Variants in ARHGAP10 observed in about 807,000 individuals in gnomAD.
ARHGAP10 encodes rho GTPase-activating protein 10.
In ARHGAP10, 87 loss-of-function variants were observed where a neutral mutation model predicts 108.6. That is an observed-to-expected ratio of 0.80 (90% CI 0.67 to 0.96). The LOEUF (loss-of-function observed/expected upper bound fraction) is 0.96. Ranked by LOEUF, ARHGAP10 falls within the 40% of genes least tolerant of loss-of-function variation. The pLI is 0.00. For synonymous variants in ARHGAP10, 347 were observed against 341.1 expected (o/e 1.02, Z -0.19); for missense variants, 939 against 954.5 (o/e 0.98, Z 0.21).
intron 1 of ARHGAP10, among the ~76,000 whole-genome samples, chr4:147,784,534 ATATATTT>A (rs921021205): frequency 6.1e-4 from 3 of 4,958 alleles, no homozygotes; most frequent in Non-Finnish European, 5.2e-3. Flanking sequence ...AATATAAAAC[ATATATTT>A]TATAGTATAT....
chr4:147,882,738 A>G (rs1735381147), intron 10 of ARHGAP10, among the ~76,000 whole-genome samples: 1 of 152,162 alleles, frequency 6.6e-6, no homozygotes, highest in African/African-American at 2.4e-5. Context: ...TTAGTTGTAA[A>G]AGAATCTTTG....
Position 147,991,397 on chromosome 4 carries a change from C to T in ARHGAP10, c.1716+24558C>T, listed in dbSNP as rs553246809. Reference sequence around the variant, plus strand: ...TCTGCAGCAATCCAAATCCACATCCCGGCTTCCTCATGTTTTTTCCCAGGA... The same window carrying T: ...TCTGCAGCAATCCAAATCCACATCCTGGCTTCCTCATGTTTTTTCCCAGGA... On this transcript the variant is annotated intron_variant, in intron 18 of 22. Coordinates refer to ENST00000336498, the MANE Select transcript of ARHGAP10 (RefSeq NM_024605.4). Among the ~76,000 whole-genome samples the T allele has an allele frequency of 5.8e-4, 88 of 152,206 alleles. 1 individual carries two copies. Among genetic ancestry groups the T allele is most frequent in the African/African-American group, 1.9e-3 (78 of 41,536 alleles).
chr4:147,983,832 G>A (rs1414849584), intron 18 of ARHGAP10, among the ~76,000 whole-genome samples: 1 of 152,164 alleles, frequency 6.6e-6, no homozygotes, highest in Non-Finnish European at 1.5e-5. Flanking sequence ...CATTGCTGGG[G>A]AGTTAGTGGG....
intron 19 of ARHGAP10, among the ~76,000 whole-genome samples, chr4:148,027,918 A>G (rs1203182947): frequency 1.3e-5 from 2 of 152,012 alleles, no homozygotes; most frequent in African/African-American, 2.4e-5. Flanking sequence ...TCTACCATTT[A>G]TTAGTGGTTT....
At chr4:147,748,282 G>A (rs1578996332) in intron 1 of ARHGAP10, among the ~76,000 whole-genome samples, 1 of 152,184 alleles carries the variant, frequency 6.6e-6, no homozygotes. Flanking sequence ...GTTGTACTTT[G>A]GCCAGCCTGA....
chr4:148,031,379 C>A (rs180948288), intron 19 of ARHGAP10, among the ~76,000 whole-genome samples: 1 of 152,222 alleles, frequency 6.6e-6, no homozygotes, highest in Non-Finnish European at 1.5e-5. Flanking sequence ...TAGATAATAT[C>A]CAGAACAATC....
intron 1 of ARHGAP10, among the ~76,000 whole-genome samples, chr4:147,807,743 AAAG>A (rs1731847849): frequency 2.0e-5 from 3 of 152,250 alleles, no homozygotes; most frequent in Non-Finnish European, 4.4e-5. Flanking sequence ...AAATAAGAAA[AAAG>A]CACACAAAAT....
chr4:147,913,986 C>G (rs1195333526), intron 13 of ARHGAP10, among the ~76,000 whole-genome samples: 2 of 152,110 alleles, frequency 1.3e-5, no homozygotes, highest in Non-Finnish European at 2.9e-5. Context: ...AACCCCATCT[C>G]TACTAAAAAT....
At chr4:147,960,196 T>C (rs540371160) in intron 16 of ARHGAP10, among the ~76,000 whole-genome samples, 46 of 152,344 alleles carry the variant, frequency 3.0e-4, no homozygotes, top group African/African-American at 9.6e-4. Context: ...TAGACAGTTG[T>C]GTTTTTGTTT....
rs72957722 is a variant in ARHGAP10 at position 147,865,342 on chromosome 4, A to G, written c.597+386A>G. On this transcript the variant is annotated intron_variant, in intron 6 of 22. Coordinates refer to ENST00000336498, the MANE Select transcript of ARHGAP10 (RefSeq NM_024605.4). Reference sequence around the variant, plus strand: ...GGTACTTTAAACAATCGTTTGTAACATGACTTCAAACACAATTCACAATGC... The same window carrying G: ...GGTACTTTAAACAATCGTTTGTAACGTGACTTCAAACACAATTCACAATGC... 4.6e-3 allele frequency: 724 copies of G among 158,152 alleles called. 3 individuals carry two copies. The highest frequency in any genetic ancestry group is 0.017 in the African/African-American group (698 of 41,672). The allele number at this position is 158,152 out of a possible 1,614,324, so 9.8% of individuals were successfully genotyped here.
intron 1 of ARHGAP10, among the ~76,000 whole-genome samples, chr4:147,750,910 T>C (rs996965000): frequency 2.0e-5 from 3 of 152,000 alleles, no homozygotes; most frequent in East Asian, 1.9e-4. Context: ...CCATAAAATA[T>C]CTTCAATTTA....
chr4:148,016,770 G>T (rs533444158), intron 18 of ARHGAP10, among the ~76,000 whole-genome samples: 27 of 152,166 alleles, frequency 1.8e-4, no homozygotes, highest in African/African-American at 6.5e-4. Flanking sequence ...TCGCAGGTCC[G>T]GGCCTCCAGA....
At chr4:147,906,798 A>G (rs1736515351) in intron 11 of ARHGAP10, 79 bp downstream of exon 11, 2 of 1,551,860 alleles carry the variant, frequency 1.3e-6, no homozygotes, top group Non-Finnish European at 1.8e-6. Context: ...ATTTTTGTGT[A>G]GTATTTGAGA....
chr4:147,816,404 G>C (rs567475862), intron 1 of ARHGAP10, among the ~76,000 whole-genome samples: 1 of 152,240 alleles, frequency 6.6e-6, no homozygotes, highest in African/African-American at 2.4e-5. Flanking sequence ...CACCTTTGTG[G>C]GCTCTCCTTG....
At chr4:147,935,636 ATTGG>A (rs2126955383) in intron 13 of ARHGAP10, among the ~76,000 whole-genome samples, 1 of 152,318 alleles carries the variant, frequency 6.6e-6, no homozygotes, top group East Asian at 1.9e-4. Flanking sequence ...GCCTTGGCAT[ATTGG>A]TTGGTTTATA....
intron 19 of ARHGAP10, among the ~76,000 whole-genome samples, chr4:148,038,101 A>AG (rs772657011): frequency 7.2e-5 from 11 of 152,316 alleles, no homozygotes; most frequent in Non-Finnish European, 1.3e-4. Context: ...GTGTAGCATT[A>AG]GGTACTACTT....
At chr4:147,948,830 G>T (rs1367634352) in intron 15 of ARHGAP10, among the ~76,000 whole-genome samples, 2 of 151,858 alleles carry the variant, frequency 1.3e-5, no homozygotes, top group Admixed American at 6.6e-5. Flanking sequence ...AGCCGGCATG[G>T]TGGTGGGCGC....
At chr4:147,755,100 C>G (rs1300731029) in intron 1 of ARHGAP10, among the ~76,000 whole-genome samples, 1 of 149,830 alleles carries the variant, frequency 6.7e-6, no homozygotes, top group Non-Finnish European at 1.5e-5. Context: ...AAAAAAAATT[C>G]TTTCAAAATG....
At chr4:148,004,987 G>A (rs1578781889) in intron 18 of ARHGAP10, among the ~76,000 whole-genome samples, 1 of 152,152 alleles carries the variant, frequency 6.6e-6, no homozygotes, top group South Asian at 2.1e-4. Context: ...CTGAAAAATG[G>A]AACCATCTCC....
Sources: gnomAD v4.1 joint callset for allele counts (sites outside exome capture counted in the v4.1 genomes callset) on GRCh38, gnomAD v4.1.1 for gene constraint, MANE v1.5 for transcripts, NCBI Gene and HGNC (gene_info 2026-07-23, HGNC 2026-07-21) for gene names.